SAMMSON: variants seen among roughly 807,000 people sequenced by gnomAD.
SAMMSON encodes survival associated mitochondrial melanoma specific oncogenic non-coding RNA, also known as long intergenic non-protein coding RNA 1212.
At chr3:70,256,979 C>T (rs796900659) in intron 6 of SAMMSON, among the ~76,000 whole-genome samples, 1 of 152,106 alleles carries the variant, frequency 6.6e-6, no homozygotes, top group Non-Finnish European at 1.5e-5. Flanking sequence ...CGACTATGGG[C>T]TGAGCGAAGG....
chr3:70,243,971 C>T (rs2106643838), intron 4 of SAMMSON, among the ~76,000 whole-genome samples: 1 of 152,260 alleles, frequency 6.6e-6, no homozygotes, highest in East Asian at 1.9e-4. Context: ...TTCTGATCTG[C>T]TAATTATCTC....
intron 4 of SAMMSON, among the ~76,000 whole-genome samples, chr3:70,204,314 C>T (rs867266460): frequency 6.8e-6 from 1 of 146,860 alleles, no homozygotes. Flanking sequence ...CCCCAGCTCT[C>T]AATTTCTGCA....
intron 2 of SAMMSON, among the ~76,000 whole-genome samples, chr3:70,404,136 T>C (rs933075828): frequency 1.3e-5 from 2 of 152,148 alleles, no homozygotes; most frequent in Non-Finnish European, 2.9e-5. Flanking sequence ...AAATTTAAGC[T>C]AATTTAGCAT....
At chr3:70,127,114 T>A in intron 4 of SAMMSON, 1 of 152,232 alleles carries the variant, frequency 6.6e-6, no homozygotes, top group East Asian at 1.9e-4. Context: ...TTTTAAATTA[T>A]GACAAAGGCT....
At chr3:70,217,036 C>T (rs1701418228) in intron 4 of SAMMSON, among the ~76,000 whole-genome samples, 1 of 152,154 alleles carries the variant, frequency 6.6e-6, no homozygotes, top group South Asian at 2.1e-4. Flanking sequence ...ATCACTCTTT[C>T]ATTTTTCTGC....
chr3:70,407,328 T>C (rs541923128), intron 2 of SAMMSON, among the ~76,000 whole-genome samples: 91 of 152,328 alleles, frequency 6.0e-4, no homozygotes, highest in South Asian at 2.1e-4. Flanking sequence ...TTAACTCATT[T>C]CAGCATTAAC....
chr3:70,045,067 T>C (rs1226979767), intron 3 of SAMMSON, among the ~76,000 whole-genome samples: 2 of 93,422 alleles, frequency 2.1e-5, no homozygotes, highest in Non-Finnish European at 3.9e-5. Context: ...TTATAATATA[T>C]ATTATAATTA....
intron 3 of SAMMSON, among the ~76,000 whole-genome samples, chr3:70,057,177 A>G (rs997710329): frequency 6.6e-6 from 1 of 152,066 alleles, no homozygotes; most frequent in African/African-American, 2.4e-5. Flanking sequence ...ATTTTAGTCA[A>G]GTCAGAATGC....
intron 4 of SAMMSON, among the ~76,000 whole-genome samples, chr3:70,191,702 C>T (rs1436009545): frequency 1.3e-5 from 2 of 151,902 alleles, no homozygotes; most frequent in African/African-American, 4.8e-5. Flanking sequence ...TTTCTGAATG[C>T]TTTAAAAGTA....
chr3:70,010,896 C>T (rs148829832), intron 1 of SAMMSON, among the ~76,000 whole-genome samples: 6 of 152,030 alleles, frequency 3.9e-5, no homozygotes, highest in East Asian at 3.9e-4. Context: ...CATAAGATCT[C>T]GTGAGACTCA....
intron 3 of SAMMSON, among the ~76,000 whole-genome samples, chr3:70,070,900 G>A (rs907802548): frequency 6.6e-6 from 1 of 151,982 alleles, no homozygotes; most frequent in Non-Finnish European, 1.5e-5. Flanking sequence ...CAAATTTTTA[G>A]TATGTTCCTA....
chr3:70,355,875 A>C (rs1702826045), intron 8 of SAMMSON, among the ~76,000 whole-genome samples: 1 of 152,166 alleles, frequency 6.6e-6, no homozygotes, highest in Non-Finnish European at 1.5e-5. Context: ...TCCTTTGAGC[A>C]TGTAATCCAG....
intron 2 of SAMMSON, among the ~76,000 whole-genome samples, chr3:70,404,259 A>G (rs1447513935): frequency 6.6e-6 from 1 of 152,090 alleles, no homozygotes. Context: ...TTGGGGGATT[A>G]GTTGATATTT....
chr3:70,423,461 T>A (rs1248849411), intron 2 of SAMMSON, among the ~76,000 whole-genome samples: 1 of 152,152 alleles, frequency 6.6e-6, no homozygotes, highest in Non-Finnish European at 1.5e-5. Flanking sequence ...GGCATGGAGA[T>A]CACATTTTAC....
At chr3:70,009,789 T>C (rs2066946008) in intron 1 of SAMMSON, among the ~76,000 whole-genome samples, 1 of 150,774 alleles carries the variant, frequency 6.6e-6, no homozygotes, top group Admixed American at 6.6e-5. Context: ...GCTATAAATT[T>C]CCCTCTACAC....
intron 9 of SAMMSON, among the ~76,000 whole-genome samples, chr3:70,381,369 A>G (rs1209541382): frequency 6.6e-6 from 1 of 152,218 alleles, no homozygotes; most frequent in Non-Finnish European, 1.5e-5. Context: ...AACTGATTCC[A>G]GGCAATGGTT....
chr3:70,072,764 G>A (rs1298962091), intron 4 of SAMMSON: 7 of 151,546 alleles, frequency 4.6e-5, no homozygotes, highest in African/African-American at 1.2e-4. Flanking sequence ...GGCCAAATAC[G>A]TGATACACAT....
chr3:70,275,781 A>G (rs1490087630), intron 6 of SAMMSON, among the ~76,000 whole-genome samples: 4 of 152,196 alleles, frequency 2.6e-5, no homozygotes, highest in Non-Finnish European at 4.4e-5. Context: ...ATAGCATATA[A>G]TAAGTGCTAT....
intron 6 of SAMMSON, among the ~76,000 whole-genome samples, chr3:70,280,810 T>C (rs1255019795): frequency 6.6e-6 from 1 of 152,140 alleles, no homozygotes; most frequent in East Asian, 1.9e-4. Flanking sequence ...CTGTAGGTCA[T>C]GAAACACCCA....
Sources: gnomAD v4.1 joint callset for allele counts (sites outside exome capture counted in the v4.1 genomes callset) on GRCh38, gnomAD v4.1.1 for gene constraint, MANE v1.5 for transcripts, NCBI Gene and HGNC (gene_info 2026-07-23, HGNC 2026-07-21) for gene names.